The following BMPER variants were observed in gnomAD, a reference collection of about 807,000 sequenced individuals.
BMPER encodes the protein BMP binding endothelial regulator.
A neutral mutation model predicts 87.3 loss-of-function variants in BMPER; 45 were observed. That is an observed-to-expected ratio of 0.52 (90% CI 0.41 to 0.66). The LOEUF (loss-of-function observed/expected upper bound fraction) is 0.66. Ranked by LOEUF, BMPER falls within the 30% of genes least tolerant of loss-of-function variation. The probability of loss-of-function intolerance (pLI) is 0.00; values close to 1 mark genes in which losing one functional copy is unlikely to be tolerated. For missense variants in BMPER, 784 were observed against 867.5 expected, an observed-to-expected ratio of 0.90 and a Z score of 1.21; for synonymous variants, 326 against 316.2, an observed-to-expected ratio of 1.03 and a Z score of -0.33.
intron 6 of BMPER, among the ~76,000 whole-genome samples, chr7:34,015,405 T>G (rs1353140414): frequency 6.6e-6 from 1 of 151,988 alleles, no homozygotes; most frequent in African/African-American, 2.4e-5. Context: ...TGAAAACTGT[T>G]AAGATTGATG....
At chr7:33,971,305 G>A (rs972858255) in intron 5 of BMPER, among the ~76,000 whole-genome samples, 1 of 151,986 alleles carries the variant, frequency 6.6e-6, no homozygotes, top group East Asian at 1.9e-4. Context: ...TTTCCTCCAT[G>A]CAGTCTCAAA....
intron 8 of BMPER, among the ~76,000 whole-genome samples, chr7:34,052,857 G>C (rs923567304): frequency 6.6e-6 from 1 of 152,144 alleles, no homozygotes; most frequent in Non-Finnish European, 1.5e-5. Context: ...CCGTTCCCTT[G>C]AACACCAAAC....
At position 34,057,995 on chromosome 7, in the gene BMPER, A is replaced by G. The variant is rs377240830; in HGVS notation, c.928-64A>G. The G allele has an allele frequency of 1.4e-4, 204 of 1,430,166 alleles. No homozygotes were observed. The African/African-American group carries it at 2.6e-3, about 18-fold the overall frequency. 88.6% of individuals were successfully genotyped at this position (1,430,166 alleles called of 1,614,324 possible). A position where few individuals can be genotyped will look rare whatever the true frequency, so the allele number is the denominator to read the frequency against. ...ATGCTTTCCTCCATGGAGAGGTTACAGTCTGTTGCCTCAACTCCTGTCAGC... is the reference window on the plus strand; with the variant it reads ...ATGCTTTCCTCCATGGAGAGGTTACGGTCTGTTGCCTCAACTCCTGTCAGC... On this transcript the variant is annotated intron_variant, in intron 9 of 14. Transcript: ENST00000649409.
intron 6 of BMPER, among the ~76,000 whole-genome samples, chr7:34,018,959 CA>C (rs1324856673): frequency 2.0e-5 from 3 of 151,940 alleles, no homozygotes; most frequent in Non-Finnish European, 4.4e-5. Flanking sequence ...AGAAATACCC[CA>C]GTACCTGATA....
At position 33,970,361 on chromosome 7, in the gene BMPER, T is replaced by C. The variant is rs1460912618; in HGVS notation, c.435T>C (p.Cys145=). The C allele has an allele frequency of 1.2e-6, 2 of 1,614,038 alleles. No homozygotes were observed. Among genetic ancestry groups the C allele is most frequent in the Admixed American group, 3.3e-5 (2 of 60,010 alleles). ...EGVVTESGVR[C]VVHCKNPLEH... Reference sequence around the variant, plus strand: ...TTGTCACAGAGTCTGGGGTGCGCTGTGTTGTTCATTGTAAAAACCCTTTGG... The same window carrying C: ...TTGTCACAGAGTCTGGGGTGCGCTGCGTTGTTCATTGTAAAAACCCTTTGG... The change falls in exon 5 of 15, where the codon TGT becomes TGC. Residue 145 remains cysteine, a synonymous_variant. Transcript: ENST00000649409.
At chr7:33,968,065 C>G (rs1785447045) in intron 4 of BMPER, among the ~76,000 whole-genome samples, 1 of 152,082 alleles carries the variant, frequency 6.6e-6, no homozygotes, top group Non-Finnish European at 1.5e-5. Flanking sequence ...TCAGTAGGGC[C>G]CAGAAAGAGT....
intron 11 of BMPER, among the ~76,000 whole-genome samples, chr7:34,073,186 T>G (rs528231339): frequency 1.3e-4 from 20 of 152,330 alleles, no homozygotes; most frequent in Admixed American, 1.1e-3. Flanking sequence ...GCAGTAATAC[T>G]TTTTGAGTAA....
chr7:33,944,918 C>T (rs1784848728), intron 3 of BMPER, among the ~76,000 whole-genome samples: 1 of 152,142 alleles, frequency 6.6e-6, no homozygotes, highest in Admixed American at 6.5e-5. Context: ...CAGAATACAG[C>T]TCCTCAGAGA....
At chr7:34,148,764 A>C (rs1020147098) in intron 14 of BMPER, among the ~76,000 whole-genome samples, 2 of 152,206 alleles carry the variant, frequency 1.3e-5, no homozygotes, top group Non-Finnish European at 2.9e-5. Context: ...GAGAGAGGAA[A>C]AAACATGGGA....
chr7:34,150,363 T>A (rs1791140206), intron 14 of BMPER, among the ~76,000 whole-genome samples: 2 of 152,150 alleles, frequency 1.3e-5, no homozygotes, highest in South Asian at 4.1e-4. Context: ...GAGAGTGTTT[T>A]GTTTTGTTTT....
Position 34,051,931 on chromosome 7 carries a change from C to T in BMPER, c.747C>T (p.Ser249=), listed in dbSNP as rs1320113601. Residue 249 remains serine, a synonymous_variant, in exon 8 of 15, where the codon TCC becomes TCT. Coordinates refer to ENST00000649409, the MANE Select transcript of BMPER (RefSeq NM_001365308.1). ...LFRSDVYDNG[S]SFLYDNCTAC... ...GAAGTGATGTTTATGACAATGGATC[C>T]TCATTTCTGTACGATAACTGCACAG... 1.2e-6 allele frequency: 2 copies of T among 1,613,924 alleles called. No individual in the cohort carries two copies. Among genetic ancestry groups the T allele is most frequent in the East Asian group, 2.2e-5 (1 of 44,878 alleles).
intron 2 of BMPER, among the ~76,000 whole-genome samples, chr7:33,914,702 A>G (rs1010002839): frequency 6.6e-6 from 1 of 152,174 alleles, no homozygotes; most frequent in Admixed American, 6.5e-5. Flanking sequence ...CTAAATTGAG[A>G]TTTTAAAAAA....
chr7:34,028,117 T>A (rs1446096907), intron 6 of BMPER, among the ~76,000 whole-genome samples: 1 of 152,070 alleles, frequency 6.6e-6, no homozygotes, highest in Non-Finnish European at 1.5e-5. Flanking sequence ...CTCCTCTATT[T>A]TAAAACTACA....
intron 13 of BMPER, among the ~76,000 whole-genome samples, chr7:34,099,101 G>T (rs1789609359): frequency 6.6e-6 from 1 of 152,178 alleles, no homozygotes; most frequent in Non-Finnish European, 1.5e-5. Flanking sequence ...TTACACTTTT[G>T]AGTGCTCACT....
intron 6 of BMPER, among the ~76,000 whole-genome samples, chr7:34,039,237 A>C (rs903491918): frequency 3.3e-5 from 5 of 152,198 alleles, no homozygotes; most frequent in African/African-American, 1.2e-4. Flanking sequence ...TACTTACTGG[A>C]AGCTCATGCC....
intron 13 of BMPER, among the ~76,000 whole-genome samples, chr7:34,136,424 T>G (rs1304931729): frequency 6.6e-6 from 1 of 152,228 alleles, no homozygotes; most frequent in Non-Finnish European, 1.5e-5. Flanking sequence ...GGCTACTACC[T>G]TTAGTTGTCT....
At chr7:34,059,132 A>G (rs1445123931) in intron 10 of BMPER, among the ~76,000 whole-genome samples, 1 of 152,224 alleles carries the variant, frequency 6.6e-6, no homozygotes, top group Non-Finnish European at 1.5e-5. Context: ...AGACTTGAAC[A>G]TGGTCTGCTT....
chr7:33,976,788 C>G (rs1004755522), intron 6 of BMPER, among the ~76,000 whole-genome samples: 2 of 152,134 alleles, frequency 1.3e-5, no homozygotes, highest in Admixed American at 1.3e-4. Context: ...TTATCCAGTG[C>G]TGGAACTGGA....
In BMPER at chr7:33,934,458, A is replaced by C. The variant is rs995866352; in HGVS notation, c.220-2831A>C. 3.3e-5 allele frequency among the ~76,000 whole-genome samples: 5 copies of C among 149,466 alleles called. 1 individual carries two copies. Among genetic ancestry groups the C allele is most frequent in the Admixed American group, 1.4e-4 (2 of 14,766 alleles). ...ATATTTAAAAACTCCCAGTGTAATC[A>C]GGGGGAAAAAACCCACTAAACCTAC... On this transcript the variant is annotated intron_variant, in intron 2 of 14. Coordinates refer to ENST00000649409, the MANE Select transcript of BMPER (RefSeq NM_001365308.1).
Sources: gnomAD v4.1 joint callset for allele counts (sites outside exome capture counted in the v4.1 genomes callset) on GRCh38, gnomAD v4.1.1 for gene constraint, MANE v1.5 for transcripts, NCBI Gene and HGNC (gene_info 2026-07-23, HGNC 2026-07-21) for gene names.